Variants in SPATA31H1 observed in about 807,000 individuals in gnomAD.
The protein encoded by SPATA31H1 is SPATA31 subfamily H member 1.
chr2:27,556,693 T>TG, the SPATA31H1 span, among the ~76,000 whole-genome samples: 1 of 92,520 alleles, frequency 1.1e-5, no homozygotes, highest in Non-Finnish European at 2.7e-5. Flanking sequence ...AGGGCATATA[T>TG]TTTTTTTTTT....
the SPATA31H1 span, chr2:27,580,356 C>G: frequency 1.2e-6 from 2 of 1,614,000 alleles, no homozygotes; most frequent in African/African-American, 1.3e-5. Flanking sequence ...AGTTCACAAC[C>G]TACCAGAGAG....
the SPATA31H1 span, chr2:27,578,138 A>G: frequency 6.2e-7 from 1 of 1,614,104 alleles, no homozygotes; most frequent in East Asian, 2.2e-5. Flanking sequence ...CACCATTTCA[A>G]ATTGTAAAGT....
the SPATA31H1 span, chr2:27,582,301 A>C: frequency 6.2e-7 from 1 of 1,613,954 alleles, no homozygotes. Context: ...AGAACCCGTC[A>C]CAGTCCCTCT....
At chr2:27,547,708 G>A in the SPATA31H1 span, among the ~76,000 whole-genome samples, 1 of 151,822 alleles carries the variant, frequency 6.6e-6, no homozygotes, top group Non-Finnish European at 1.5e-5. Flanking sequence ...CTCAATAATA[G>A]TTTTCAATAT....
the SPATA31H1 span, chr2:27,581,406 A>C: frequency 6.2e-7 from 1 of 1,614,012 alleles, no homozygotes; most frequent in South Asian, 1.1e-5. Flanking sequence ...TCCGTCTCAG[A>C]GAAATCACTG....
the SPATA31H1 span, chr2:27,575,253 C>A: frequency 2.5e-6 from 1 of 398,536 alleles, no homozygotes; most frequent in Non-Finnish European, 4.4e-6. The surrounding 1 kb of genome is among the most constrained non-coding windows in gnomAD (Gnocchi z 4.1). Context: ...TAGTGTGGCA[C>A]CTTCTGAGTT....
At chr2:27,564,832 G>GT in the SPATA31H1 span, among the ~76,000 whole-genome samples, 1 of 152,078 alleles carries the variant, frequency 6.6e-6, no homozygotes, top group East Asian at 1.9e-4. Context: ...ATTTGAAATT[G>GT]TAACAAATGT....
chr2:27,577,816 A>G, the SPATA31H1 span: 1 of 1,614,180 alleles, frequency 6.2e-7, no homozygotes, highest in Non-Finnish European at 8.5e-7. The surrounding 1 kb of genome is among the most constrained non-coding windows in gnomAD (Gnocchi z 4.5). Context: ...CAAATGGAGG[A>G]ATCTTTAGAG....
chr2:27,581,341 A>G, the SPATA31H1 span: 2 of 1,613,918 alleles, frequency 1.2e-6, no homozygotes, highest in Non-Finnish European at 1.7e-6. Flanking sequence ...CAGAGGAGCC[A>G]CTGCAGTCCC....
chr2:27,566,495 G>T, the SPATA31H1 span: 2 of 649,994 alleles, frequency 3.1e-6, no homozygotes, highest in African/African-American at 3.6e-5. Context: ...AGTTTGTTTT[G>T]TCTGTGGGGG....
chr2:27,581,490 G>T, the SPATA31H1 span: 3 of 1,609,182 alleles, frequency 1.9e-6, no homozygotes, highest in South Asian at 2.2e-5. Context: ...GAGCCATCGC[G>T]GTCCCTCTCA....
At chr2:27,539,634 C>G in the SPATA31H1 span, among the ~76,000 whole-genome samples, 199 of 111,244 alleles carry the variant, frequency 1.8e-3, 2 homozygotes, top group African/African-American at 6.4e-3. Flanking sequence ...CCGCTGGGCA[C>G]ACCTCCCAGA....
the SPATA31H1 span, among the ~76,000 whole-genome samples, chr2:27,542,103 A>C: frequency 6.6e-6 from 1 of 152,030 alleles, no homozygotes; most frequent in African/African-American, 2.4e-5. Flanking sequence ...TAAAATTTAA[A>C]ATTCTGTTTC....
chr2:27,582,595 C>T, the SPATA31H1 span: 1 of 1,464,920 alleles, frequency 6.8e-7, no homozygotes, highest in Non-Finnish European at 9.2e-7. Flanking sequence ...GGCTTCTTTC[C>T]TGCTCAGCCA....
At chr2:27,537,519 G>GT in the SPATA31H1 span, 20 of 717,196 alleles carry the variant, frequency 2.8e-5, 1 homozygote, top group Non-Finnish European at 4.7e-5. Flanking sequence ...TTTGGACACT[G>GT]TTTTCCAGGA....
chr2:27,574,609 A>T, the SPATA31H1 span: 2 of 398,554 alleles, frequency 5.0e-6, no homozygotes, highest in East Asian at 7.1e-5. Flanking sequence ...ATGGATTTCA[A>T]TTCTGGACAA....
At chr2:27,581,679 C>T in the SPATA31H1 span, 4 of 1,613,088 alleles carry the variant, frequency 2.5e-6, no homozygotes, top group East Asian at 2.2e-5. Flanking sequence ...GAGGAGCCAT[C>T]GTGGTCCCTC....
At chr2:27,567,084 T>G in the SPATA31H1 span, 2 of 716,688 alleles carry the variant, frequency 2.8e-6, no homozygotes, top group Non-Finnish European at 5.2e-6. Flanking sequence ...TCTTTCACCC[T>G]TACAACCTCA....
the SPATA31H1 span, among the ~76,000 whole-genome samples, chr2:27,548,180 A>C: frequency 6.6e-6 from 1 of 151,540 alleles, no homozygotes; most frequent in African/African-American, 2.4e-5. Context: ...ACGGGGTTTC[A>C]CCGTGGTCTG....
Sources: allele counts gnomAD v4.1 joint callset (sites outside exome capture counted in the v4.1 genomes callset), GRCh38; gene constraint gnomAD v4.1.1; non-coding constraint Gnocchi (gnomAD v3.1); transcripts MANE v1.5; gene names NCBI Gene and HGNC (gene_info 2026-07-23, HGNC 2026-07-21).